PTPRN2: variants seen among roughly 807,000 people sequenced by gnomAD.
PTPRN2 encodes protein tyrosine phosphatase receptor type N2.
Under a neutral mutation model 118.8 loss-of-function variants are expected in PTPRN2, and 74 were observed. That is an observed-to-expected ratio of 0.62 (90% CI 0.52 to 0.76). PTPRN2 has a LOEUF of 0.76. Among genes scored for constraint, PTPRN2 ranks in the 30% least tolerant of loss-of-function variants. The pLI, the probability that PTPRN2 is intolerant of heterozygous loss-of-function variation, is 0.00. For synonymous variants in PTPRN2, 641 were observed against 608.0 expected (o/e 1.05, Z -0.80); for missense variants, 1,481 against 1,394.4 (o/e 1.06, Z -0.99).
intron 11 of PTPRN2, among the ~76,000 whole-genome samples, chr7:158,000,373 T>C (rs112114207): frequency 6.6e-6 from 1 of 151,340 alleles, no homozygotes; most frequent in Non-Finnish European, 1.5e-5. Context: ...CCCAGGGCCA[T>C]GCTTGGTTTC....
chr7:158,480,908 T>C (rs1820598629), intron 2 of PTPRN2, among the ~76,000 whole-genome samples: 2 of 152,188 alleles, frequency 1.3e-5, no homozygotes, highest in African/African-American at 4.8e-5. Context: ...AACATAACAG[T>C]GTAAGGTGCA....
intron 2 of PTPRN2, among the ~76,000 whole-genome samples, chr7:158,440,649 AGTG>A (rs1816931128): frequency 9.0e-6 from 1 of 111,500 alleles, no homozygotes; most frequent in Non-Finnish European, 1.8e-5. Context: ...TGGTGGCAGT[AGTG>A]ATGGTGGTAG....
chr7:157,613,002 G>A (rs1585109618), intron 15 of PTPRN2, among the ~76,000 whole-genome samples: 1 of 152,302 alleles, frequency 6.6e-6, no homozygotes, highest in East Asian at 1.9e-4. Flanking sequence ...TCACTGACAG[G>A]GAGAGTCCCT....
At chr7:157,727,772 G>A (rs140985444) in intron 12 of PTPRN2, among the ~76,000 whole-genome samples, 7 of 152,310 alleles carry the variant, frequency 4.6e-5, no homozygotes, top group African/African-American at 1.4e-4. Flanking sequence ...AGTGTGAGGC[G>A]TGAGCCGTGA....
At chr7:158,282,364 T>C (rs1426249228) in intron 3 of PTPRN2, among the ~76,000 whole-genome samples, 2 of 152,244 alleles carry the variant, frequency 1.3e-5, no homozygotes, top group Non-Finnish European at 2.9e-5. Context: ...TGTCTTTGAC[T>C]ACACAATGTG....
At chr7:157,898,636 A>C in intron 12 of PTPRN2, 37 bp downstream of exon 12, 1 of 1,523,268 alleles carries the variant, frequency 6.6e-7, no homozygotes, top group Non-Finnish European at 9.1e-7. Context: ...ACAGCACTGC[A>C]GATCGCAGAG....
At chr7:157,864,223 C>T (rs1040373153) in intron 12 of PTPRN2, 2 of 152,356 alleles carry the variant, frequency 1.3e-5, no homozygotes, top group Admixed American at 6.5e-5. Flanking sequence ...TCCAGCCTGG[C>T]CTAAGGCTCA....
At position 158,188,708 on chromosome 7, in the gene PTPRN2, C is replaced by G. The variant is rs543370432; in HGVS notation, c.549+3619G>C. On this transcript the variant is annotated intron_variant, in intron 5 of 22. Coordinates refer to ENST00000389418, the MANE Select transcript of PTPRN2 (RefSeq NM_002847.5). ...TACTGGAAAGGCCGCCACGCCCGCC[C>G]CCTGTAGGGGGAAGGCCGCCACGCT... Among the ~76,000 whole-genome samples, 29 of 149,560 alleles carry G rather than the reference C, an allele frequency of 1.9e-4. No individual in the cohort carries two copies. The East Asian group carries it at 2.0e-3, about 10-fold the overall frequency.
intron 10 of PTPRN2, among the ~76,000 whole-genome samples, chr7:158,100,423 A>G (rs764614871): frequency 3.4e-4 from 52 of 152,242 alleles, no homozygotes; most frequent in Non-Finnish European, 2.8e-4. Context: ...GATACCCAGC[A>G]GTGGGATTGC....
In PTPRN2 at chr7:157,861,114, G is replaced by T. The variant is rs779464558; in HGVS notation, c.1788+37559C>A. 2.6e-5 allele frequency among the ~76,000 whole-genome samples: 4 copies of T among 152,238 alleles called. No individual in the cohort carries two copies. The highest frequency in any genetic ancestry group is 6.5e-5 in the Admixed American group (1 of 15,290). Reference sequence around the variant, plus strand: ...CGGACACCATGTGGGACCCCAGCACGGGCGCTTTGGGATGTCGGCAGAGGC... The same window carrying T: ...CGGACACCATGTGGGACCCCAGCACTGGCGCTTTGGGATGTCGGCAGAGGC... On this transcript the variant is annotated intron_variant, in intron 12 of 22. Coordinates refer to ENST00000389418, the MANE Select transcript of PTPRN2 (RefSeq NM_002847.5). This position sits in a 1 kb window ranked among gnomAD's most constrained non-coding sequence, Gnocchi z 5.8.
At chr7:157,765,746 C>T (rs1802424104) in intron 12 of PTPRN2, among the ~76,000 whole-genome samples, 1 of 149,342 alleles carries the variant, frequency 6.7e-6, no homozygotes, top group Admixed American at 6.7e-5. Flanking sequence ...CCCATCCATC[C>T]ATCCTTCTTT....
chr7:158,228,732 A>G (rs1016832333), intron 3 of PTPRN2, among the ~76,000 whole-genome samples: 1 of 152,064 alleles, frequency 6.6e-6, no homozygotes, highest in Non-Finnish European at 1.5e-5. Context: ...AGTATGGGAA[A>G]TTTCCCCTCA....
chr7:157,623,895 C>T (rs1447526043), intron 14 of PTPRN2, among the ~76,000 whole-genome samples: 1 of 152,220 alleles, frequency 6.6e-6, no homozygotes, highest in African/African-American at 2.4e-5. Flanking sequence ...TATGAAACAT[C>T]CTTTGTGATA....
At chr7:157,665,525 G>T (rs1476923342) in intron 13 of PTPRN2, among the ~76,000 whole-genome samples, 1 of 152,212 alleles carries the variant, frequency 6.6e-6, no homozygotes, top group Non-Finnish European at 1.5e-5. Context: ...GGCCTGCCTG[G>T]CCCTGAAGGC....
At chr7:158,326,681 C>G (rs1400643094) in intron 2 of PTPRN2, among the ~76,000 whole-genome samples, 3 of 151,010 alleles carry the variant, frequency 2.0e-5, no homozygotes, top group Non-Finnish European at 4.4e-5. Flanking sequence ...CACACATGCA[C>G]AGTCTCACAC....
intron 2 of PTPRN2, among the ~76,000 whole-genome samples, chr7:158,440,820 AGTG>A (rs368710306): frequency 0.13 from 11,987 of 89,710 alleles, 872 homozygotes; most frequent in African/African-American, 0.28. Context: ...TGGTAGTAGT[AGTG>A]GTGGTGGTGG....
At chr7:158,293,480 G>A (rs1254312583) in intron 3 of PTPRN2, among the ~76,000 whole-genome samples, 1 of 151,692 alleles carries the variant, frequency 6.6e-6, no homozygotes, top group Non-Finnish European at 1.5e-5. Context: ...GGAGGCTGAG[G>A]CAGGAGAATC....
At chr7:158,076,239 A>G (rs1812346555) in intron 11 of PTPRN2, among the ~76,000 whole-genome samples, 1 of 152,190 alleles carries the variant, frequency 6.6e-6, no homozygotes, top group Admixed American at 6.5e-5. Context: ...TCTCTTAATC[A>G]TGAGGGTGGT....
chr7:158,092,565 C>G (rs953359285), intron 10 of PTPRN2, among the ~76,000 whole-genome samples: 5 of 152,108 alleles, frequency 3.3e-5, no homozygotes, highest in African/African-American at 1.2e-4. Context: ...GCTTAAGAAT[C>G]ATTTTGCATT....
Sources: gnomAD v4.1 joint callset for allele counts (sites outside exome capture counted in the v4.1 genomes callset) on GRCh38, gnomAD v4.1.1 for gene constraint, Gnocchi (gnomAD v3.1) non-coding constraint, MANE v1.5 for transcripts, NCBI Gene and HGNC (gene_info 2026-07-23, HGNC 2026-07-21) for gene names.